INTS10: variants seen among roughly 807,000 people sequenced by gnomAD.
INTS10 encodes the protein chromosome 8 open reading frame 35.
A neutral mutation model predicts 94.4 loss-of-function variants in INTS10; 44 were observed. The ratio of observed to expected loss-of-function variants is 0.47; its 90% CI spans 0.37 to 0.60. INTS10 has a LOEUF of 0.60. Among genes scored for constraint, INTS10 ranks in the 20% least tolerant of loss-of-function variants. The pLI, the probability that INTS10 is intolerant of heterozygous loss-of-function variation, is 0.00. For synonymous variants in INTS10, 341 were observed against 320.7 expected (o/e 1.06, Z -0.68); for missense variants, 797 against 868.7 (o/e 0.92, Z 1.04).
At chr8:19,847,491 C>T (rs182739962) in intron 16 of INTS10, among the ~76,000 whole-genome samples, 1 of 152,178 alleles carries the variant, frequency 6.6e-6, no homozygotes, top group Admixed American at 6.5e-5. Flanking sequence ...TATACAAATA[C>T]ACCCTGAATC....
intron 16 of INTS10, among the ~76,000 whole-genome samples, chr8:19,847,575 C>G (rs2068680147): frequency 6.6e-6 from 1 of 152,204 alleles, no homozygotes; most frequent in South Asian, 2.1e-4. Flanking sequence ...GAACCGAAGT[C>G]TGTGTACATA....
intron 8 of INTS10, 113 bp from the exon 9 acceptor site, chr8:19,826,313 C>T: frequency 2.7e-6 from 3 of 1,097,180 alleles, no homozygotes; most frequent in Non-Finnish European, 3.9e-6. Flanking sequence ...AACTCCCGAG[C>T]TCAGGCAATC....
Position 19,820,530 on chromosome 8 carries a change from T to G in INTS10, c.441+12T>G. 6.3e-7 allele frequency: 1 copy of G among 1,598,780 alleles called. No individual in the cohort carries two copies. Among genetic ancestry groups the G allele is most frequent in the Middle Eastern group, 1.7e-4 (1 of 5,980 alleles). On this transcript the variant is annotated intron_variant, in intron 4 of 16. Coordinates refer to ENST00000397977, the MANE Select transcript of INTS10 (RefSeq NM_018142.4). ...TGGTGCAGCATGGGGTGAGATTTGA[T>G]TCTTCCCCTTCTTTTAATATAAAAT...
intron 12 of INTS10, among the ~76,000 whole-genome samples, chr8:19,836,542 G>A (rs946781423): frequency 6.6e-6 from 1 of 152,184 alleles, no homozygotes; most frequent in Non-Finnish European, 1.5e-5. Flanking sequence ...CGTCTTTTCT[G>A]CATTCCAAAT....
chr8:19,850,916 T>C (rs1397313761), intron 16 of INTS10, among the ~76,000 whole-genome samples: 1 of 152,166 alleles, frequency 6.6e-6, no homozygotes, highest in Admixed American at 6.5e-5. Flanking sequence ...CTTCCACACA[T>C]GTGCAGGTCT....
rs1470071180 is a variant in INTS10, at chr8:19,849,573, A to G, written c.1977-2076A>G. Among the ~76,000 whole-genome samples the G allele has an allele frequency of 6.6e-6, 1 of 152,168 alleles. No homozygotes were observed. Among genetic ancestry groups the G allele is most frequent in the African/African-American group, 2.4e-5 (1 of 41,434 alleles). On this transcript the variant is annotated intron_variant, in intron 16 of 16. Coordinates refer to ENST00000397977, the MANE Select transcript of INTS10 (RefSeq NM_018142.4). The surrounding 1 kb of genome is among the most constrained non-coding windows in gnomAD (Gnocchi z 4.6). ...AACGTTAAGGCTTTCGGTCATATAT[A>G]TTTAAGGATGCTGACGTTTATTTTA...
intron 4 of INTS10, 113 bp from the exon 5 acceptor site, chr8:19,822,326 G>C: frequency 1.7e-6 from 1 of 587,948 alleles, no homozygotes; most frequent in East Asian, 2.9e-5. Flanking sequence ...TTGTTTCTCA[G>C]ATAAGTTTGA....
chr8:19,821,804 G>A (rs2066399199), intron 4 of INTS10: 1 of 152,278 alleles, frequency 6.6e-6, no homozygotes, highest in South Asian at 2.1e-4. Context: ...TCATAACTCT[G>A]ACCTTTCACC....
Position 19,817,443 on chromosome 8 carries a change from T to TGGTGGCGGC in INTS10, c.-93_-92insTGGCGGCGG. On this transcript the variant is annotated 5_prime_UTR_variant, in exon 1 of 17. Coordinates refer to ENST00000397977, the MANE Select transcript of INTS10 (RefSeq NM_018142.4). ...ACATGCGCAGTAGCCTCCCCCGCGGTGGCGGCGGCGGCGGCGGTGGCTGCC... is the reference window on the plus strand; with the variant it reads ...ACATGCGCAGTAGCCTCCCCCGCGGTGGTGGCGGCGGCGGCGGCGGCGGCGGTGGCTGCC... The TGGTGGCGGC allele has an allele frequency of 6.7e-7, 1 of 1,483,338 alleles. No homozygotes were observed. The highest frequency in any genetic ancestry group is 1.3e-5 in the South Asian group (1 of 78,112). 91.9% of individuals were successfully genotyped at this position (1,483,338 alleles called of 1,614,324 possible).
At chr8:19,834,540 AACTT>A (rs1390668652) in intron 12 of INTS10, among the ~76,000 whole-genome samples, 1 of 152,192 alleles carries the variant, frequency 6.6e-6, no homozygotes. Flanking sequence ...ACTGCATACT[AACTT>A]CATTGTAGTA....
intron 2 of INTS10, 47 bp from the exon 3 acceptor site, chr8:19,819,526 T>C (rs1372753852): frequency 1.4e-6 from 2 of 1,427,578 alleles, no homozygotes; most frequent in Admixed American, 3.9e-5. Flanking sequence ...TTTTGGATAC[T>C]GTATAGACTT....
intron 6 of INTS10, 93 bp downstream of exon 6, chr8:19,823,534 G>A: frequency 1.1e-6 from 1 of 882,094 alleles, no homozygotes; most frequent in African/African-American, 1.7e-5. Context: ...TTCTCCTCTG[G>A]ATACTTACCA....
Position 19,834,905 on chromosome 8 carries a change from T to C in INTS10, c.1530+1584T>C, listed in dbSNP as rs2067528298. Among the ~76,000 whole-genome samples, 3 of 152,132 alleles carry C rather than the reference T, an allele frequency of 2.0e-5. No homozygotes were observed. In the South Asian group the frequency reaches 6.2e-4, roughly 31 times the overall value. On this transcript the variant is annotated intron_variant, in intron 12 of 16. Coordinates refer to ENST00000397977, the MANE Select transcript of INTS10 (RefSeq NM_018142.4). ...TGGTGAGGTCCTGCTTCCCGGATCA[T>C]AGAAGGGACAAGAGAGCACTGTAGA...
In INTS10 at chr8:19,817,453, G is replaced by T; in HGVS notation, c.-85G>T. 6 of 1,524,510 alleles carry T rather than the reference G, an allele frequency of 3.9e-6. No individual in the cohort carries two copies. Among genetic ancestry groups the T allele is most frequent in the Non-Finnish European group, 5.3e-6 (6 of 1,138,662 alleles). 94.4% of individuals were successfully genotyped at this position (1,524,510 alleles called of 1,614,324 possible). On this transcript the variant is annotated 5_prime_UTR_variant, in exon 1 of 17. Coordinates refer to ENST00000397977, the MANE Select transcript of INTS10 (RefSeq NM_018142.4). ...TAGCCTCCCCCGCGGTGGCGGCGGC[G>T]GCGGCGGTGGCTGCCGTGGCGGCTG...
At chr8:19,828,343 C>T (rs1474857747) in intron 9 of INTS10, among the ~76,000 whole-genome samples, 2 of 152,000 alleles carry the variant, frequency 1.3e-5, no homozygotes, top group Non-Finnish European at 2.9e-5. Context: ...TGGGGGGTGG[C>T]CCACATCAGT....
At chr8:19,845,998 A>T (rs971833768) in intron 16 of INTS10, 1 of 468,460 alleles carries the variant, frequency 2.1e-6, no homozygotes, top group South Asian at 3.8e-5. Flanking sequence ...CTTTGCTTAA[A>T]TTGGGGTATT....
chr8:19,831,157 C>T (rs1449402848), intron 10 of INTS10, among the ~76,000 whole-genome samples: 8 of 152,098 alleles, frequency 5.3e-5, no homozygotes, highest in Non-Finnish European at 1.0e-4. Flanking sequence ...ACTTTTAGCC[C>T]GTGGACATTC....
chr8:19,848,515 T>G (rs1002283645), intron 16 of INTS10, among the ~76,000 whole-genome samples: 1 of 152,122 alleles, frequency 6.6e-6, no homozygotes, highest in African/African-American at 2.4e-5. Flanking sequence ...CTGAATAGGG[T>G]GGATAATAAT....
chr8:19,851,138 C>T lies in INTS10; in HGVS notation c.1977-511C>T, dbSNP rs1224455817. 2.6e-5 allele frequency among the ~76,000 whole-genome samples: 4 copies of T among 152,144 alleles called. No individual in the cohort carries two copies. Among genetic ancestry groups the T allele is most frequent in the African/African-American group, 7.2e-5 (3 of 41,418 alleles). On this transcript the variant is annotated intron_variant, in intron 16 of 16. Transcript: ENST00000397977. This position sits in a 1 kb window ranked among gnomAD's most constrained non-coding sequence, Gnocchi z 5.0. The stretch of plus-strand genomic sequence containing the variant: ...GGGGAGAGAGACGTGCTTGTGACCC[C>T]GGCTGTGCAGGAGCCCTGAACCTTT...
Sources: gnomAD v4.1 joint callset for allele counts (sites outside exome capture counted in the v4.1 genomes callset) on GRCh38, gnomAD v4.1.1 for gene constraint, Gnocchi (gnomAD v3.1) non-coding constraint, MANE v1.5 for transcripts, NCBI Gene and HGNC (gene_info 2026-07-23, HGNC 2026-07-21) for gene names.